The following GPC5 variants were observed in gnomAD, a reference collection of about 807,000 sequenced individuals.
GPC5 encodes glypican-5.
A neutral mutation model predicts 53.9 loss-of-function variants in GPC5; 47 were observed. That is an observed-to-expected ratio of 0.87 (90% CI 0.69 to 1.11). The LOEUF (loss-of-function observed/expected upper bound fraction) is 1.11, where lower values mean the gene tolerates loss of function less well. GPC5 is among the 50% of genes most tolerant of loss of function. The pLI is 0.00. For missense variants in GPC5, 748 were observed against 713.1 expected (o/e 1.05, Z -0.56); for synonymous variants, 286 against 263.3 (o/e 1.09, Z -0.84).
intron 6 of GPC5, among the ~76,000 whole-genome samples, chr13:92,120,277 T>C (rs2041638166): frequency 6.6e-6 from 1 of 152,250 alleles, no homozygotes; most frequent in Non-Finnish European, 1.5e-5. Flanking sequence ...TGACTATCTT[T>C]GTGTTTTGAG....
At chr13:91,568,554 T>C (rs1594265817) in intron 2 of GPC5, among the ~76,000 whole-genome samples, 2 of 144,920 alleles carry the variant, frequency 1.4e-5, no homozygotes, top group African/African-American at 5.2e-5. Flanking sequence ...AAAGTAGAGC[T>C]TTTATTGAAA....
rs116828228 is a variant in GPC5, at chr13:92,485,619, T to C, written c.1561+340630T>C. 6.7e-3 allele frequency among the ~76,000 whole-genome samples: 1,020 copies of C among 152,348 alleles called. 11 individuals are homozygous for C. The highest frequency in any genetic ancestry group is 0.023 in the African/African-American group (973 of 41,580). On this transcript the variant is annotated intron_variant, in intron 7 of 7. Coordinates refer to ENST00000377067, the MANE Select transcript of GPC5 (RefSeq NM_004466.6). ...TTTAATGGAATAATCAAGAAATTTC[T>C]AGATGGTCATTCCACTTTGGATCAT...
intron 7 of GPC5, among the ~76,000 whole-genome samples, chr13:92,724,312 T>A (rs1172255408): frequency 6.6e-6 from 1 of 151,622 alleles, no homozygotes; most frequent in Non-Finnish European, 1.5e-5. Flanking sequence ...AGAAAAGATA[T>A]CAGGCACATA....
intron 6 of GPC5, among the ~76,000 whole-genome samples, chr13:92,072,046 T>C (rs1374867643): frequency 6.8e-6 from 1 of 146,324 alleles, no homozygotes; most frequent in Non-Finnish European, 1.5e-5. Flanking sequence ...ATAATACATT[T>C]TATTCATATA....
intron 6 of GPC5, among the ~76,000 whole-genome samples, chr13:92,075,874 T>C (rs1405906175): frequency 6.6e-6 from 1 of 152,206 alleles, no homozygotes; most frequent in Non-Finnish European, 1.5e-5. Context: ...TAAAATTAAT[T>C]AAGCTTTAAA....
At chr13:91,972,410 C>T (rs1388765493) in intron 6 of GPC5, among the ~76,000 whole-genome samples, 2 of 152,100 alleles carry the variant, frequency 1.3e-5, no homozygotes, top group African/African-American at 2.4e-5. Flanking sequence ...TGGGTCTTGA[C>T]TCTTTATCCA....
At chr13:91,907,334 TA>T (rs1240931673) in intron 5 of GPC5, among the ~76,000 whole-genome samples, 1 of 147,798 alleles carries the variant, frequency 6.8e-6, no homozygotes, top group Non-Finnish European at 1.5e-5. Context: ...TTATCATTAT[TA>T]AAAAGTTTAA....
At chr13:91,583,715 C>G (rs556015680) in intron 2 of GPC5, among the ~76,000 whole-genome samples, 1 of 152,178 alleles carries the variant, frequency 6.6e-6, no homozygotes, top group South Asian at 2.1e-4. Flanking sequence ...GGCAGGAGGA[C>G]TTACACTTTC....
At chr13:91,721,236 G>A (rs571438857) in intron 3 of GPC5, among the ~76,000 whole-genome samples, 2 of 152,134 alleles carry the variant, frequency 1.3e-5, no homozygotes, top group Non-Finnish European at 1.5e-5. Context: ...CCAGGGTCAA[G>A]CAATTCTCCT....
chr13:91,927,374 C>A (rs1204937298), intron 6 of GPC5, among the ~76,000 whole-genome samples: 10 of 152,044 alleles, frequency 6.6e-5, no homozygotes, highest in Non-Finnish European at 1.3e-4. Flanking sequence ...TAAGATTTCT[C>A]TTTAAATACT....
chr13:92,794,631 A>C (rs1287139213), intron 7 of GPC5, among the ~76,000 whole-genome samples: 1 of 152,158 alleles, frequency 6.6e-6, no homozygotes, highest in African/African-American at 2.4e-5. Context: ...GTATTTAGAA[A>C]ACCCCATCGT....
At chr13:92,065,588 G>A (rs1048978638) in intron 6 of GPC5, among the ~76,000 whole-genome samples, 1 of 152,058 alleles carries the variant, frequency 6.6e-6, no homozygotes, top group African/African-American at 2.4e-5. Context: ...TTATCATTCT[G>A]TGTCTCCTAG....
intron 2 of GPC5, among the ~76,000 whole-genome samples, chr13:91,539,829 C>T (rs2029868599): frequency 6.6e-6 from 1 of 151,698 alleles, no homozygotes; most frequent in African/African-American, 2.4e-5. Flanking sequence ...GATACAACAT[C>T]ATGGAAATAC....
intron 5 of GPC5, among the ~76,000 whole-genome samples, chr13:91,893,242 C>T (rs1183404622): frequency 6.6e-6 from 1 of 152,020 alleles, no homozygotes; most frequent in Non-Finnish European, 1.5e-5. Context: ...ATAATCCTGT[C>T]TGACCAGTAA....
intron 6 of GPC5, among the ~76,000 whole-genome samples, chr13:92,063,972 C>G (rs2041144700): frequency 6.6e-6 from 1 of 152,024 alleles, no homozygotes; most frequent in Non-Finnish European, 1.5e-5. Flanking sequence ...GTTTTAGGTA[C>G]ATAATTAAAT....
Position 92,144,593 on chromosome 13 carries a change from A to G in GPC5, c.1402-237A>G, listed in dbSNP as rs574296983. Among the ~76,000 whole-genome samples, 351 of 152,284 alleles carry G rather than the reference A, an allele frequency of 2.3e-3. 1 individual carries two copies. Among genetic ancestry groups the G allele is most frequent in the African/African-American group, 7.6e-3 (315 of 41,580 alleles). ...TGTAATTTCATTTGCTTCCCAAAGAATCATCCAAACCATTGCCACAGAACT... is the reference window on the plus strand; with the variant it reads ...TGTAATTTCATTTGCTTCCCAAAGAGTCATCCAAACCATTGCCACAGAACT... On this transcript the variant is annotated intron_variant, in intron 6 of 7. Transcript: ENST00000377067.
At chr13:92,072,092 T>A (rs940738567) in intron 6 of GPC5, among the ~76,000 whole-genome samples, 41 of 146,406 alleles carry the variant, frequency 2.8e-4, no homozygotes, top group Non-Finnish European at 4.8e-4. Flanking sequence ...TAATTATATA[T>A]AATAAATTCA....
chr13:92,737,969 G>T (rs569685330), intron 7 of GPC5, among the ~76,000 whole-genome samples: 2 of 151,386 alleles, frequency 1.3e-5, no homozygotes, highest in Admixed American at 1.3e-4. Flanking sequence ...TCTCCATTTT[G>T]GTCAGGCTGG....
In GPC5 at chr13:92,184,225, A is replaced by G. The variant is rs974831135; in HGVS notation, c.1561+39236A>G. Among the ~76,000 whole-genome samples, 137 of 152,178 alleles carry G rather than the reference A, an allele frequency of 9.0e-4. 4 individuals carry two copies. The highest frequency in any genetic ancestry group is 3.2e-4 in the Non-Finnish European group (22 of 68,036). On this transcript the variant is annotated intron_variant, in intron 7 of 7. Coordinates refer to ENST00000377067, the MANE Select transcript of GPC5 (RefSeq NM_004466.6). ...ATGTTAGCTTGTTCTAAAACTCCAT[A>G]AGAAATCTCTCATTAATTATATATA...
Sources: gnomAD v4.1 joint callset for allele counts (sites outside exome capture counted in the v4.1 genomes callset) on GRCh38, gnomAD v4.1.1 for gene constraint, MANE v1.5 for transcripts, NCBI Gene and HGNC (gene_info 2026-07-23, HGNC 2026-07-21) for gene names.